The following LVRN variants were observed in gnomAD, a reference collection of about 807,000 sequenced individuals.
LVRN encodes aminopeptidase Q.
LVRN carries 99 observed loss-of-function variants against 111.4 expected under a neutral mutation model. The observed-to-expected ratio is 0.89, with a 90% CI of 0.76 to 1.05. LVRN has a LOEUF of 1.05. Ranked by LOEUF, LVRN falls within the 50% of genes least tolerant of loss-of-function variation. The pLI is 0.00. For missense variants in LVRN, 1,414 were observed against 1,206.8 expected (o/e 1.17, Z -2.54); for synonymous variants, 488 against 449.5 (o/e 1.09, Z -1.08).
At chr5:116,021,842 G>C (rs954809044) in intron 18 of LVRN, 2 of 370,350 alleles carry the variant, frequency 5.4e-6, no homozygotes, top group Admixed American at 3.7e-5. Context: ...AAACTAGAGG[G>C]GAAGTTTCCA....
intron 1 of LVRN, among the ~76,000 whole-genome samples, chr5:115,980,247 A>G (rs17164372): frequency 0.11 from 16,526 of 151,954 alleles, 1,952 homozygotes; most frequent in African/African-American, 0.3. Flanking sequence ...GGGTAGCTTG[A>G]GTCCAAAGCA....
At chr5:116,003,431 C>G in intron 12 of LVRN, 51 bp downstream of exon 12, 1 of 1,192,242 alleles carries the variant, frequency 8.4e-7, no homozygotes, top group Non-Finnish European at 1.1e-6. Context: ...AATGCCTTCT[C>G]TAGTGTTTTA....
intron 18 of LVRN, among the ~76,000 whole-genome samples, chr5:116,017,808 T>C (rs377454619): frequency 6.6e-6 from 1 of 152,272 alleles, no homozygotes; most frequent in African/African-American, 2.4e-5. Context: ...CTTACTGAGA[T>C]AATATGATGT....
chr5:115,965,207 C>T (rs1399558796), intron 1 of LVRN, among the ~76,000 whole-genome samples: 6 of 152,182 alleles, frequency 3.9e-5, no homozygotes. Flanking sequence ...TGATCAGCTT[C>T]CTTGTTATCT....
At chr5:116,001,337 G>T (rs1748235601) in intron 10 of LVRN, 98 bp downstream of exon 10, 1 of 1,353,000 alleles carries the variant, frequency 7.4e-7, no homozygotes, top group Non-Finnish European at 1.0e-6. Context: ...ACCCCCGCTG[G>T]GCATACACAC....
Position 116,014,467 on chromosome 5 carries a change from A to G in LVRN, c.2390A>G (p.Glu797Gly). Residue 797 changes from glutamate (E) to glycine (G), a missense_variant, in exon 16 of 20, where the codon GAA becomes GGA. By Grantham distance (98) the Glu-to-Gly change is moderately conservative. Transcript: ENST00000357872. Reference protein sequence around the residue: ...LFVTACWLGLEDCLQLSKELF... With the variant: ...LFVTACWLGLGDCLQLSKELF... ...GTAACTGCGTGTTGGTTGGGCCTTG[A>G]AGACTGCCTTCAGCTGTCAAAAGAA... 1 of 1,613,656 alleles carries G rather than the reference A, an allele frequency of 6.2e-7. No individual in the cohort carries two copies. The highest frequency in any genetic ancestry group is 8.5e-7 in the Non-Finnish European group (1 of 1,179,664).
At chr5:115,986,833 C>A (rs1289651517) in intron 3 of LVRN, among the ~76,000 whole-genome samples, 1 of 152,100 alleles carries the variant, frequency 6.6e-6, no homozygotes, top group Non-Finnish European at 1.5e-5. Flanking sequence ...TCTTGGAGGG[C>A]ACAAATCTGT....
At position 115,984,592 on chromosome 5, in the gene LVRN, G is replaced by T; in HGVS notation, c.861G>T (p.Val287=). The T allele has an allele frequency of 6.2e-7, 1 of 1,613,494 alleles. No homozygotes were observed. The highest frequency in any genetic ancestry group is 8.5e-7 in the Non-Finnish European group (1 of 1,179,670). Residue 287 remains valine (V), a synonymous_variant, in exon 3 of 20, where the codon GTG becomes GTT. Coordinates refer to ENST00000357872, the MANE Select transcript of LVRN (RefSeq NM_173800.5). ...TAGGTCAGTCTGAAAAAGAAGATGT[G>T]AATGGAAGCAAATGGACTGTTACAA... The part of the protein sequence containing the change: ...PKLGQSEKED[V]NGSKWTVTTF...
At chr5:116,012,642 T>G (rs1289160814) in intron 15 of LVRN, among the ~76,000 whole-genome samples, 174 bp downstream of exon 15, 2 of 152,206 alleles carry the variant, frequency 1.3e-5, no homozygotes, top group African/African-American at 2.4e-5. Context: ...TAACAGAAGT[T>G]AATCGTTTGA....
intron 18 of LVRN, chr5:116,021,601 A>C: frequency 3.2e-6 from 1 of 316,748 alleles, no homozygotes; most frequent in East Asian, 9.0e-5. Context: ...AATTTCAAGT[A>C]CATATTTTTG....
rs1446020728 is a variant in LVRN at position 115,999,845 on chromosome 5, G to T, written c.1458G>T (p.Val486=). 6.2e-7 allele frequency: 1 copy of T among 1,613,354 alleles called. No individual in the cohort carries two copies. The highest frequency in any genetic ancestry group is 8.5e-7 in the Non-Finnish European group (1 of 1,179,734). ...TGACTAGAGCTGTGGCCATGAAGGT[G>T]GAAAATTTCAAAACAAGTGAAATAC... The part of the protein sequence containing the change: ...ALVTRAVAMK[V]ENFKTSEIQE... The change falls in exon 7 of 20, where the codon GTG becomes GTT. Residue 486 remains valine (V), a synonymous_variant. Coordinates refer to ENST00000357872, the MANE Select transcript of LVRN (RefSeq NM_173800.5).
chr5:116,003,116 A>G (rs1198548528), intron 11 of LVRN, 125 bp from the exon 12 acceptor site: 2 of 992,876 alleles, frequency 2.0e-6, no homozygotes, highest in Non-Finnish European at 2.9e-6. Context: ...AGCAATATAT[A>G]TTTTAGAATT....
intron 1 of LVRN, among the ~76,000 whole-genome samples, chr5:115,978,129 G>A (rs890956016): frequency 6.6e-6 from 1 of 152,146 alleles, no homozygotes; most frequent in Non-Finnish European, 1.5e-5. Flanking sequence ...AATCTGGCAT[G>A]GTGATTAGGG....
intron 1 of LVRN, among the ~76,000 whole-genome samples, chr5:115,982,063 C>A (rs1427036951): frequency 6.6e-6 from 1 of 152,058 alleles, no homozygotes; most frequent in Non-Finnish European, 1.5e-5. Flanking sequence ...GGTGCCAGAG[C>A]CCACAGGGCT....
chr5:115,999,292 TTTATTTTCAA>T (rs1748187454), intron 6 of LVRN, among the ~76,000 whole-genome samples: 1 of 152,240 alleles, frequency 6.6e-6, no homozygotes, highest in South Asian at 2.1e-4. Flanking sequence ...ATTTTATGGA[TTTATTTTCAA>T]TTTTAAATTA....
At chr5:115,990,339 A>G (rs576160861) in intron 4 of LVRN, among the ~76,000 whole-genome samples, 2 of 152,204 alleles carry the variant, frequency 1.3e-5, no homozygotes, top group African/African-American at 4.8e-5. Flanking sequence ...TATCATTTTA[A>G]TTTTCAATTT....
At chr5:115,969,841 C>T (rs184478224) in intron 1 of LVRN, among the ~76,000 whole-genome samples, 136 of 148,278 alleles carry the variant, frequency 9.2e-4, no homozygotes, top group African/African-American at 3.3e-3. Context: ...TTATCTTTAA[C>T]ATTTCTACAT....
intron 1 of LVRN, chr5:115,974,707 C>T (rs892417899): frequency 5.8e-6 from 1 of 173,430 alleles, no homozygotes; most frequent in African/African-American, 2.4e-5. Context: ...GTCCTTCCAG[C>T]TCTTCCTGTG....
chr5:115,971,143 T>C (rs1234244213), intron 1 of LVRN, among the ~76,000 whole-genome samples: 1 of 152,234 alleles, frequency 6.6e-6, no homozygotes, highest in African/African-American at 2.4e-5. Context: ...TAACTATTTG[T>C]CATCCATCTA....
Sources: allele counts gnomAD v4.1 joint callset (sites outside exome capture counted in the v4.1 genomes callset), GRCh38; gene constraint gnomAD v4.1.1; transcripts MANE v1.5; gene names NCBI Gene and HGNC (gene_info 2026-07-23, HGNC 2026-07-21).